DOCK3: variants seen among roughly 807,000 people sequenced by gnomAD.
DOCK3 encodes dedicator of cytokinesis protein 3.
A neutral mutation model predicts 265.6 loss-of-function variants in DOCK3; 60 were observed. The observed-to-expected ratio is 0.23, with a 90% CI of 0.18 to 0.28. The LOEUF (loss-of-function observed/expected upper bound fraction) is 0.28. Among genes scored for constraint, DOCK3 ranks in the 10% least tolerant of loss-of-function variants. The pLI, the probability that DOCK3 is intolerant of heterozygous loss-of-function variation, is 1.00. For synonymous variants in DOCK3, 881 were observed against 938.0 expected, an observed-to-expected ratio of 0.94 and a Z score of 1.11; for missense variants, 1,981 against 2,594.3, an observed-to-expected ratio of 0.76 and a Z score of 5.14.
chr3:51,223,560 T>TA (rs950787763), intron 14 of DOCK3, among the ~76,000 whole-genome samples: 4 of 151,928 alleles, frequency 2.6e-5, no homozygotes, highest in South Asian at 2.1e-4. Context: ...GAATAAATAA[T>TA]AAAAAAAATC....
At chr3:50,723,346 G>A (rs528255546) in intron 1 of DOCK3, among the ~76,000 whole-genome samples, 2 of 152,300 alleles carry the variant, frequency 1.3e-5, no homozygotes, top group African/African-American at 4.8e-5. Flanking sequence ...AAGAAGAGTA[G>A]ACGGAAAGTG....
intron 9 of DOCK3, among the ~76,000 whole-genome samples, chr3:51,107,638 G>C (rs968763122): frequency 6.6e-6 from 1 of 151,768 alleles, no homozygotes; most frequent in Non-Finnish European, 1.5e-5. Context: ...CAAGAATAAA[G>C]AAAAAAAGAA....
At chr3:50,803,727 G>T (rs1427657717) in intron 2 of DOCK3, among the ~76,000 whole-genome samples, 1 of 150,884 alleles carries the variant, frequency 6.6e-6, no homozygotes, top group East Asian at 2.0e-4. Context: ...CCCAGATGGG[G>T]CGGCTGGCCG....
rs782689713 is a variant in DOCK3, at chr3:51,380,179, C to G, written c.5555C>G (p.Pro1852Arg). 1.2e-6 allele frequency: 2 copies of G among 1,612,884 alleles called. No individual in the cohort carries two copies. Among genetic ancestry groups the G allele is most frequent in the Non-Finnish European group, 1.7e-6 (2 of 1,179,034 alleles). ...CACCACCCTCTGGGTGATACCCCCC[C>G]AGCCCTCCCTGCCCGGACCCTGCGC... ...AFHHPLGDTP[P>R]ALPARTLRKS... The change falls in exon 52 of 53, where the codon CCA (proline) becomes CGA (arginine). Residue 1852 changes from proline (P) to arginine (R), a missense_variant. Around this residue, in one of 4 missense-constraint regions of DOCK3, gnomAD observed 1,357 missense variants for 1,866.8 expected, o/e 0.73. Transcript: ENST00000266037.
intron 14 of DOCK3, among the ~76,000 whole-genome samples, chr3:51,219,732 T>C (rs554606386): frequency 2.0e-5 from 3 of 152,346 alleles, no homozygotes; most frequent in Admixed American, 2.0e-4. Flanking sequence ...ATATGGTTTT[T>C]GGAAGAAAGC....
At chr3:51,212,968 GCT>G (rs2089596458) in intron 13 of DOCK3, among the ~76,000 whole-genome samples, 1 of 151,512 alleles carries the variant, frequency 6.6e-6, no homozygotes, top group African/African-American at 2.4e-5. Context: ...CCTTGGCCCA[GCT>G]CTGAGAGTAC....
At chr3:50,789,231 G>C (rs2042342535) in intron 2 of DOCK3, among the ~76,000 whole-genome samples, 1 of 152,000 alleles carries the variant, frequency 6.6e-6, no homozygotes, top group African/African-American at 2.4e-5. Flanking sequence ...TGATTTCATT[G>C]TTGACCCAAT....
At chr3:51,133,913 C>G (rs2084675690) in intron 9 of DOCK3, among the ~76,000 whole-genome samples, 1 of 152,092 alleles carries the variant, frequency 6.6e-6, no homozygotes, top group Non-Finnish European at 1.5e-5. Flanking sequence ...GTTATTTTTT[C>G]TACTCATCTC....
intron 32 of DOCK3, among the ~76,000 whole-genome samples, chr3:51,320,561 G>A (rs1049390390): frequency 6.6e-6 from 1 of 152,182 alleles, no homozygotes; most frequent in Non-Finnish European, 1.5e-5. Flanking sequence ...AGCCCAGCAA[G>A]CTAAGATCCA....
intron 23 of DOCK3, among the ~76,000 whole-genome samples, chr3:51,261,570 A>G (rs939414471): frequency 6.6e-6 from 1 of 151,822 alleles, no homozygotes. Flanking sequence ...AGAACCGTTC[A>G]CTCCCCTGGA....
At chr3:51,157,506 A>G (rs2085910341) in intron 10 of DOCK3, among the ~76,000 whole-genome samples, 1 of 152,178 alleles carries the variant, frequency 6.6e-6, no homozygotes, top group Non-Finnish European at 1.5e-5. Flanking sequence ...TCGGCCTCCC[A>G]GAGTGCTGGG....
At chr3:51,018,662 T>C (rs182065874) in intron 5 of DOCK3, among the ~76,000 whole-genome samples, 29 of 151,888 alleles carry the variant, frequency 1.9e-4, no homozygotes, top group Admixed American at 1.5e-3. Flanking sequence ...TTTATACATG[T>C]AGTCAGAAGG....
rs796273480 is a variant in DOCK3 at position 51,333,501 on chromosome 3, C to T, written c.3611+248C>T. Among the ~76,000 whole-genome samples, 13 of 152,188 alleles carry T rather than the reference C, an allele frequency of 8.5e-5. No homozygotes were observed. The South Asian group carries it at 2.5e-3, about 29-fold the overall frequency. On this transcript the variant is annotated intron_variant, in intron 35 of 52. Transcript: ENST00000266037. The stretch of plus-strand genomic sequence containing the variant: ...GGGCACATGTACCCTGGAGGGATCT[C>T]AGGGACATGTAGTCATCTGGCCTTC...
intron 5 of DOCK3, among the ~76,000 whole-genome samples, chr3:50,959,044 T>TGTCATTCCCATTTGCC (rs1370740610): frequency 6.6e-6 from 1 of 152,218 alleles, no homozygotes; most frequent in African/African-American, 2.4e-5. Context: ...CAAAAAGATC[T>TGTCATTCCCATTTGCC]GTCATTCCCA....
At chr3:51,265,607 T>A (rs2080118374) in intron 23 of DOCK3, among the ~76,000 whole-genome samples, 1 of 152,200 alleles carries the variant, frequency 6.6e-6, no homozygotes, top group Admixed American at 6.5e-5. Flanking sequence ...AACTACTTTA[T>A]TATCTCAATA....
intron 3 of DOCK3, among the ~76,000 whole-genome samples, chr3:50,866,916 G>A (rs1329892570): frequency 6.6e-6 from 1 of 152,022 alleles, no homozygotes; most frequent in Non-Finnish European, 1.5e-5. Context: ...CAGCTATTCT[G>A]TTTCTTTTGT....
intron 1 of DOCK3, among the ~76,000 whole-genome samples, chr3:50,761,710 G>A (rs1184485814): frequency 1.3e-5 from 2 of 152,078 alleles, no homozygotes; most frequent in Admixed American, 6.5e-5. Context: ...TTTTGGTGTC[G>A]TTAGGCTAAT....
intron 4 of DOCK3, chr3:50,901,708 C>T: frequency 2.2e-6 from 1 of 453,780 alleles, no homozygotes; most frequent in Non-Finnish European, 4.4e-6. Flanking sequence ...CTCATGGCTA[C>T]CCTTGGCTAG....
At chr3:51,045,891 T>G (rs1312962491) in intron 5 of DOCK3, among the ~76,000 whole-genome samples, 1 of 152,184 alleles carries the variant, frequency 6.6e-6, no homozygotes, top group Non-Finnish European at 1.5e-5. Flanking sequence ...CTTTTTATTT[T>G]GAGATAATTA....
Sources: gnomAD v4.1 joint callset for allele counts (sites outside exome capture counted in the v4.1 genomes callset) on GRCh38, gnomAD v4.1.1 for gene constraint, gnomAD v4.1.1 regional missense constraint, MANE v1.5 for transcripts, NCBI Gene and HGNC (gene_info 2026-07-23, HGNC 2026-07-21) for gene names.